Variants in MEG3 observed in about 807,000 individuals in gnomAD.
MEG3 encodes maternally expressed 3.
intron 3 of MEG3, chr14:100,847,320 G>A (rs2037946759): frequency 6.6e-6 from 1 of 152,244 alleles, no homozygotes; most frequent in Non-Finnish European, 1.5e-5. Context: ...TACATTGCGT[G>A]TGTGGATGGA....
intron 2 of MEG3, among the ~76,000 whole-genome samples, chr14:100,843,900 C>T (rs963776263): frequency 6.6e-5 from 9 of 136,166 alleles, no homozygotes; most frequent in African/African-American, 1.7e-4. Flanking sequence ...AGGGTAGTGG[C>T]GCAATCTTGG....
intron 3 of MEG3, chr14:100,848,414 T>C (rs1334048851): frequency 2.0e-5 from 3 of 152,104 alleles, no homozygotes; most frequent in Non-Finnish European, 2.9e-5. Flanking sequence ...AGTATTTACA[T>C]AGAAAGAAAG....
Position 100,834,451 on chromosome 14 carries a change from G to T in MEG3, n.1483G>T, listed in dbSNP as rs770893213. 4 of 300,614 alleles carry T rather than the reference G, an allele frequency of 1.3e-5. No homozygotes were observed. In the East Asian group the frequency reaches 3.7e-4, roughly 28 times the overall value. 18.6% of individuals were successfully genotyped at this position (300,614 alleles called of 1,614,324 possible). ...AAACTTTCAAAAGTTAACTCCCCAC[G>T]TCCCCATCCTGCTTGGGTTTCTGGA... is the stretch of plus-strand genomic sequence containing the variant. On this transcript the variant is annotated non_coding_transcript_exon_variant, in exon 1 of 4. Coordinates refer to the MEG3 transcript ENST00000398461.
chr14:100,840,450 A>T (rs1231697280), intron 2 of MEG3, among the ~76,000 whole-genome samples: 3 of 152,166 alleles, frequency 2.0e-5, no homozygotes, highest in Non-Finnish European at 2.9e-5. Flanking sequence ...CTGAGCGCAG[A>T]TGAGTTTTCC....
chr14:100,832,583 C>T (rs1045398145), downstream of MEG3: 7 of 152,602 alleles, frequency 4.6e-5, no homozygotes, highest in South Asian at 2.1e-4. Flanking sequence ...TTCCAGTATT[C>T]GTCGCATAAG....
At chr14:100,844,111 C>T (rs1207742531) in intron 2 of MEG3, among the ~76,000 whole-genome samples, 3 of 152,160 alleles carry the variant, frequency 2.0e-5, no homozygotes, top group South Asian at 4.1e-4. Flanking sequence ...GGATGACAGG[C>T]ATGAGCCACC....
rs2037874829 is a variant in MEG3 at position 100,845,028 on chromosome 14, C to T, written n.3046-430C>T. ...CCTGCAGCCCTCTGTGGGCTGCCCT[C>T]CCGGCCACACCCCGCTTCCCTGGTC... is the stretch of plus-strand genomic sequence containing the variant. On this transcript the variant is annotated intron_variant and non_coding_transcript_variant, in intron 2 of 3. Coordinates refer to the MEG3 transcript ENST00000398461. This position sits in a 1 kb window ranked among gnomAD's most constrained non-coding sequence, Gnocchi z 5.2. 1.3e-5 allele frequency among the ~76,000 whole-genome samples: 2 copies of T among 152,168 alleles called. No homozygotes were observed. Among genetic ancestry groups the T allele is most frequent in the Non-Finnish European group, 2.9e-5 (2 of 68,036 alleles).
exon 1 of MEG3, chr14:100,834,291 T>C: frequency 5.4e-6 from 1 of 186,418 alleles, no homozygotes; most frequent in Non-Finnish European, 1.1e-5. Flanking sequence ...GTCATTCACA[T>C]ACAGGCCCCA....
chr14:100,856,723 C>G (rs1330810350), upstream of MEG3: 3 of 152,362 alleles, frequency 2.0e-5, no homozygotes, highest in Admixed American at 6.5e-5. Flanking sequence ...GACAATGCCC[C>G]TGGACCCCCC....
At chr14:100,832,728 T>C (rs3742391), downstream of MEG3, 126,259 of 152,636 alleles carry the variant, frequency 0.83, 52,465 homozygotes, top group Admixed American at 0.85. Context: ...TTCTTTGGCT[T>C]CTCATTTAAG....
chr14:100,840,054 G>A (rs2037704549), intron 2 of MEG3, among the ~76,000 whole-genome samples: 1 of 152,246 alleles, frequency 6.6e-6, no homozygotes, highest in African/African-American at 2.4e-5. Context: ...GGCGGCCCGT[G>A]TACAGAGCAG....
upstream of MEG3, chr14:100,852,504 T>G (rs760720472): frequency 2.0e-6 from 1 of 501,418 alleles, no homozygotes; most frequent in Non-Finnish European, 4.1e-6. Flanking sequence ...TTTCAGAATC[T>G]GGGGCTCCAG....
rs573536375 is a variant in MEG3 at position 100,860,913 on chromosome 14, C to T, written n.3277C>T. The T allele has an allele frequency of 1.5e-4, 51 of 347,036 alleles. No homozygotes were observed. In the East Asian group the frequency reaches 2.5e-3, roughly 17 times the overall value. 21.5% of individuals were successfully genotyped at this position (347,036 alleles called of 1,614,324 possible). ...AGTGTCTGCATGTGGGAAGTGGGCT[C>T]CTTCACCTACCTCACAGGGCTGTTG... is the stretch of plus-strand genomic sequence containing the variant. On this transcript the variant is annotated non_coding_transcript_exon_variant, in exon 2 of 2. Transcript: ENST00000398460.
At chr14:100,842,644 A>T (rs2037795813) in intron 2 of MEG3, among the ~76,000 whole-genome samples, 1 of 152,224 alleles carries the variant, frequency 6.6e-6, no homozygotes, top group Non-Finnish European at 1.5e-5. Flanking sequence ...TGAGATCAAC[A>T]TTTTAATAAA....
At chr14:100,842,912 C>T (rs1282316624) in intron 2 of MEG3, among the ~76,000 whole-genome samples, 1 of 152,210 alleles carries the variant, frequency 6.6e-6, no homozygotes, top group Non-Finnish European at 1.5e-5. Context: ...AATTACTCCT[C>T]TGGACTCTAT....
intron 3 of MEG3, chr14:100,850,729 C>T (rs566898933): frequency 6.6e-5 from 10 of 152,178 alleles, no homozygotes; most frequent in Middle Eastern, 3.4e-3. Flanking sequence ...AATAATGTAA[C>T]GGTCAATAAA....
chr14:100,839,171 G>T (rs567888589), intron 2 of MEG3, among the ~76,000 whole-genome samples: 2 of 152,198 alleles, frequency 1.3e-5, no homozygotes, highest in South Asian at 4.1e-4. Context: ...TCCTACAGAA[G>T]GGGGTGTGGA....
At chr14:100,852,636 G>T (rs1010786672), upstream of MEG3, 1 of 322,256 alleles carries the variant, frequency 3.1e-6, no homozygotes, top group Non-Finnish European at 6.2e-6. Flanking sequence ...GGGGTTCAGG[G>T]CAGAAGAAGA....
chr14:100,844,831 CAAAA>C (rs985787432), intron 2 of MEG3, among the ~76,000 whole-genome samples: 2 of 152,132 alleles, frequency 1.3e-5, no homozygotes, highest in South Asian at 4.1e-4. Context: ...CAAAACAAAA[CAAAA>C]AAACAAGTTA....
Sources: gnomAD v4.1 joint callset for allele counts (sites outside exome capture counted in the v4.1 genomes callset) on GRCh38, gnomAD v4.1.1 for gene constraint, Gnocchi (gnomAD v3.1) non-coding constraint, MANE v1.5 for transcripts, NCBI Gene and HGNC (gene_info 2026-07-23, HGNC 2026-07-21) for gene names.